TENM3: variants seen among roughly 807,000 people sequenced by gnomAD.
TENM3 encodes the protein teneurin-3.
TENM3 carries 63 observed loss-of-function variants against 255.1 expected under a neutral mutation model. That is an observed-to-expected ratio of 0.25 (90% CI 0.20 to 0.30). The LOEUF is 0.30. TENM3 is among the 10% of genes least tolerant of loss of function. The pLI, the probability that TENM3 is intolerant of heterozygous loss-of-function variation, is 1.00. For synonymous variants in TENM3, 1,306 were observed against 1,322.3 expected, an observed-to-expected ratio of 0.99 and a Z score of 0.27; for missense variants, 2,929 against 3,461.1, an observed-to-expected ratio of 0.85 and a Z score of 3.86.
At chr4:182,425,559 A>C (rs1459336220) in intron 3 of TENM3, among the ~76,000 whole-genome samples, 2 of 152,232 alleles carry the variant, frequency 1.3e-5, no homozygotes, top group African/African-American at 4.8e-5. Flanking sequence ...GATGAAACAC[A>C]GATGTTTCAA....
chr4:181,749,510 CA>C, the TENM3 span, among the ~76,000 whole-genome samples: 1 of 152,104 alleles, frequency 6.6e-6, no homozygotes, highest in African/African-American at 2.4e-5. Flanking sequence ...TCTGCCCATT[CA>C]AAAGCAAAAT....
chr4:182,535,884 A>G (rs1198217759), intron 3 of TENM3, among the ~76,000 whole-genome samples: 4 of 152,166 alleles, frequency 2.6e-5, no homozygotes, highest in South Asian at 2.1e-4. Flanking sequence ...ATGTTAACAT[A>G]TGTGAAATGT....
At chr4:182,079,824 C>T in the TENM3 span, 28,528 of 152,274 alleles carry the variant, frequency 0.19, 2,852 homozygotes, top group Non-Finnish European at 0.21. Flanking sequence ...AATCCGATTG[C>T]ATCTGACCGG....
chr4:181,726,695 G>A, the TENM3 span, among the ~76,000 whole-genome samples: 2 of 152,108 alleles, frequency 1.3e-5, no homozygotes, highest in African/African-American at 4.8e-5. Context: ...GTCTCAAGCT[G>A]GGTGTCCTGT....
chr4:181,623,227 C>A, the TENM3 span, among the ~76,000 whole-genome samples: 2 of 152,320 alleles, frequency 1.3e-5, no homozygotes, highest in Admixed American at 6.5e-5. Context: ...AGTTACTTAA[C>A]CTCTCTGTGC....
intron 1 of TENM3, among the ~76,000 whole-genome samples, chr4:182,244,104 C>A (rs1281595206): frequency 2.0e-5 from 3 of 151,714 alleles, no homozygotes; most frequent in South Asian, 2.1e-4. Context: ...CAGGCGCCCG[C>A]CACCACGCCC....
chr4:181,906,645 A>G, the TENM3 span, among the ~76,000 whole-genome samples: 9 of 152,334 alleles, frequency 5.9e-5, no homozygotes, highest in East Asian at 1.4e-3. Flanking sequence ...AATAGGGCCA[A>G]GCCATATTGA....
chr4:182,555,294 A>T (rs188867132), intron 3 of TENM3, among the ~76,000 whole-genome samples: 199 of 152,236 alleles, frequency 1.3e-3, no homozygotes, highest in African/African-American at 4.5e-3. Flanking sequence ...TGGGTTTTTT[A>T]AAATCAAGAA....
the TENM3 span, among the ~76,000 whole-genome samples, chr4:181,726,750 C>T: frequency 6.6e-6 from 1 of 152,142 alleles, no homozygotes; most frequent in Admixed American, 6.5e-5. Flanking sequence ...ATAGTCAGAT[C>T]CCACAGGTTG....
the TENM3 span, among the ~76,000 whole-genome samples, chr4:181,816,637 C>T: frequency 6.6e-6 from 1 of 152,194 alleles, no homozygotes; most frequent in South Asian, 2.1e-4. Context: ...TATCTTCCCC[C>T]ATCAACTGGG....
chr4:182,573,448 C>T (rs1291737532), intron 3 of TENM3, among the ~76,000 whole-genome samples: 1 of 152,122 alleles, frequency 6.6e-6, no homozygotes, highest in Non-Finnish European at 1.5e-5. Context: ...AAATCCCTCA[C>T]ATCATATTTT....
At chr4:182,461,322 G>A (rs1232037526) in intron 3 of TENM3, among the ~76,000 whole-genome samples, 2 of 152,146 alleles carry the variant, frequency 1.3e-5, no homozygotes, top group Non-Finnish European at 1.5e-5. Flanking sequence ...GGCTTTTCAG[G>A]TGGAGAGGCA....
the TENM3 span, among the ~76,000 whole-genome samples, chr4:181,965,234 T>C: frequency 6.6e-6 from 1 of 152,172 alleles, no homozygotes; most frequent in Non-Finnish European, 1.5e-5. Context: ...TAACAAGAAG[T>C]CATATTCTCT....
intron 5 of TENM3, among the ~76,000 whole-genome samples, chr4:182,642,543 T>G (rs552933331): frequency 6.6e-6 from 1 of 152,344 alleles, no homozygotes. Flanking sequence ...TAAATCACTG[T>G]GTGTTCCCAT....
the TENM3 span, among the ~76,000 whole-genome samples, chr4:181,908,207 C>A: frequency 6.6e-6 from 1 of 152,030 alleles, no homozygotes; most frequent in Admixed American, 6.6e-5. Flanking sequence ...TTTGAAAATT[C>A]AATGTGCCCA....
chr4:182,601,440 A>G (rs184109885), intron 4 of TENM3, among the ~76,000 whole-genome samples: 5 of 120,590 alleles, frequency 4.1e-5, no homozygotes, highest in Non-Finnish European at 5.4e-5. Flanking sequence ...CTTATCTACA[A>G]ATTATCAGGC....
At chr4:182,535,473 G>A (rs1291884003) in intron 3 of TENM3, among the ~76,000 whole-genome samples, 5 of 152,080 alleles carry the variant, frequency 3.3e-5, no homozygotes, top group Admixed American at 6.6e-5. Context: ...GGTGGCTCAT[G>A]CCTGTCATCC....
At chr4:182,760,804 C>T (rs982439808) in intron 22 of TENM3, among the ~76,000 whole-genome samples, 6 of 152,128 alleles carry the variant, frequency 3.9e-5, no homozygotes, top group Admixed American at 2.0e-4. Context: ...GGCAAACCCA[C>T]GACTCCCACT....
At chr4:181,503,574 G>A in the TENM3 span, among the ~76,000 whole-genome samples, 1 of 152,046 alleles carries the variant, frequency 6.6e-6, no homozygotes, top group Non-Finnish European at 1.5e-5. Context: ...CATGTATCGG[G>A]GAACTTTTCC....
Sources: gnomAD v4.1 joint callset for allele counts (sites outside exome capture counted in the v4.1 genomes callset) on GRCh38, gnomAD v4.1.1 for gene constraint, MANE v1.5 for transcripts, NCBI Gene and HGNC (gene_info 2026-07-23, HGNC 2026-07-21) for gene names.